Variants in PARPBP observed in about 807,000 individuals in gnomAD.
The protein encoded by PARPBP is PCNA-interacting partner.
A neutral mutation model predicts 50.0 loss-of-function variants in PARPBP; 52 were observed. The ratio of observed to expected loss-of-function variants is 1.04; its 90% CI spans 0.83 to 1.31. PARPBP has a LOEUF of 1.31. PARPBP is among the 50% of genes most tolerant of loss of function. PARPBP has a pLI of 0.00. For missense variants in PARPBP, 697 were observed against 672.0 expected, an observed-to-expected ratio of 1.04 and a Z score of -0.41; for synonymous variants, 244 against 232.1, an observed-to-expected ratio of 1.05 and a Z score of -0.47.
chr12:102,124,009 T>C lies in PARPBP; in HGVS notation c.121T>C (p.Leu41=). The C allele has an allele frequency of 6.5e-7, 1 of 1,535,506 alleles. No homozygotes were observed. Among genetic ancestry groups the C allele is most frequent in the Non-Finnish European group, 8.7e-7 (1 of 1,146,428 alleles). Residue 41 remains leucine, a synonymous_variant, in exon 2 of 11, where the codon TTG becomes CTG. Coordinates refer to ENST00000327680, the MANE Select transcript of PARPBP (RefSeq NM_017915.5). The stretch of plus-strand genomic sequence containing the variant: ...TGGTGCAGACTCCATGCTCTTGGCA[T>C]TGCAGCTTTCTATGGCGGAGAACAA... ...LCGADSMLLA[L]QLSMAENNKQ...
At chr12:102,120,755 C>G (rs1371119221) in intron 1 of PARPBP, among the ~76,000 whole-genome samples, 6 of 152,190 alleles carry the variant, frequency 3.9e-5, no homozygotes, top group Non-Finnish European at 8.8e-5. Flanking sequence ...GTACTTGTTT[C>G]ACTAACGTCT....
intron 6 of PARPBP, among the ~76,000 whole-genome samples, chr12:102,167,284 G>A (rs1888236870): frequency 6.6e-6 from 1 of 151,996 alleles, no homozygotes; most frequent in Non-Finnish European, 1.5e-5. Flanking sequence ...ATATTTGGTT[G>A]CATATGATTT....
At chr12:102,175,943 G>T (rs187291224) in intron 7 of PARPBP, among the ~76,000 whole-genome samples, 1 of 151,564 alleles carries the variant, frequency 6.6e-6, no homozygotes, top group East Asian at 1.9e-4. Context: ...TATAATTCTT[G>T]ATGGATATTA....
At chr12:102,132,980 G>T (rs1030970118) in intron 2 of PARPBP, among the ~76,000 whole-genome samples, 4 of 151,974 alleles carry the variant, frequency 2.6e-5, no homozygotes, top group Admixed American at 1.3e-4. Flanking sequence ...AAATGATACT[G>T]ATTTTTGTAT....
intron 2 of PARPBP, among the ~76,000 whole-genome samples, chr12:102,146,484 T>C (rs1199738197): frequency 6.6e-6 from 1 of 152,122 alleles, no homozygotes; most frequent in Non-Finnish European, 1.5e-5. Context: ...CCCTATTTAA[T>C]AAATGGTGCT....
rs1423916378 is a variant in PARPBP at position 102,197,208 on chromosome 12, T to A, written c.*917T>A. On this transcript the variant is annotated 3_prime_UTR_variant, in exon 11 of 11. Coordinates refer to ENST00000327680, the MANE Select transcript of PARPBP (RefSeq NM_017915.5). Reference sequence around the variant, plus strand: ...AGGTTGATTTGGTTTTTAGCTATCGTATTCGGAGTGGAACTATAATACAAT... The same window carrying A: ...AGGTTGATTTGGTTTTTAGCTATCGAATTCGGAGTGGAACTATAATACAAT... 1.4e-6 allele frequency: 2 copies of A among 1,446,606 alleles called. No homozygotes were observed. Among genetic ancestry groups the A allele is most frequent in the Admixed American group, 3.4e-5 (2 of 58,718 alleles). 89.6% of individuals were successfully genotyped at this position (1,446,606 alleles called of 1,614,324 possible).
rs1024893576 is a variant in PARPBP at position 102,139,726 on chromosome 12, A to G, written c.154-8504A>G. On this transcript the variant is annotated intron_variant, in intron 2 of 10. Coordinates refer to ENST00000327680, the MANE Select transcript of PARPBP (RefSeq NM_017915.5). ...GAATTTTGTGGAAGGCCTTTTCTGCATCTGTTGAGATAATCATGTGGTTTT... is the reference window on the plus strand; with the variant it reads ...GAATTTTGTGGAAGGCCTTTTCTGCGTCTGTTGAGATAATCATGTGGTTTT... Among the ~76,000 whole-genome samples, 11 of 152,322 alleles carry G rather than the reference A, an allele frequency of 7.2e-5. No individual in the cohort carries two copies. In the East Asian group the frequency reaches 1.9e-3, roughly 27 times the overall value.
At chr12:102,156,349 G>A (rs1037488089) in intron 4 of PARPBP, among the ~76,000 whole-genome samples, 6 of 130,558 alleles carry the variant, frequency 4.6e-5, no homozygotes, top group Non-Finnish European at 9.9e-5. Context: ...ACCACACCCA[G>A]CTAATTTTTT....
chr12:102,158,624 CCTTT>C (rs1164784733), intron 4 of PARPBP, among the ~76,000 whole-genome samples: 2 of 151,654 alleles, frequency 1.3e-5, no homozygotes, highest in Non-Finnish European at 2.9e-5. Context: ...ACTTACATTT[CCTTT>C]CTTTTCCCTT....
At chr12:102,150,082 G>C (rs1334882021) in intron 3 of PARPBP, among the ~76,000 whole-genome samples, 1 of 152,096 alleles carries the variant, frequency 6.6e-6, no homozygotes, top group Non-Finnish European at 1.5e-5. Context: ...TTAAGTTATA[G>C]TATGATATAT....
chr12:102,155,671 C>T (rs74749341), intron 4 of PARPBP, among the ~76,000 whole-genome samples: 1 of 150,628 alleles, frequency 6.6e-6, no homozygotes, highest in South Asian at 2.1e-4. Context: ...CTTTGGGTCC[C>T]CTCCCATTTT....
chr12:102,150,669 C>G (rs769708806), intron 3 of PARPBP, among the ~76,000 whole-genome samples: 1 of 152,162 alleles, frequency 6.6e-6, no homozygotes, highest in African/African-American at 2.4e-5. Context: ...AGATTTGATA[C>G]AGGGCTTGCT....
intron 1 of PARPBP, among the ~76,000 whole-genome samples, chr12:102,121,904 T>C (rs1188087661): frequency 1.3e-5 from 2 of 152,198 alleles, no homozygotes. Flanking sequence ...CTAATGTGCT[T>C]TTATACATGC....
chr12:102,164,285 C>T (rs577898504), intron 4 of PARPBP, among the ~76,000 whole-genome samples, 153 bp from the exon 5 acceptor site: 1 of 152,104 alleles, frequency 6.6e-6, no homozygotes, highest in African/African-American at 2.4e-5. Context: ...TTATTGATTG[C>T]CCAACCTGTT....
At chr12:102,163,292 G>A (rs898785855) in intron 4 of PARPBP, among the ~76,000 whole-genome samples, 2 of 152,100 alleles carry the variant, frequency 1.3e-5, no homozygotes, top group Non-Finnish European at 2.9e-5. Context: ...TTAATATACT[G>A]TTCCAATATC....
At chr12:102,177,357 C>G (rs1168253726) in intron 7 of PARPBP, among the ~76,000 whole-genome samples, 2 of 152,170 alleles carry the variant, frequency 1.3e-5, no homozygotes, top group Non-Finnish European at 2.9e-5. Flanking sequence ...ATCATTGCCT[C>G]TATTTTGTCA....
At chr12:102,183,812 C>T (rs113969662) in intron 9 of PARPBP, among the ~76,000 whole-genome samples, 177 of 152,056 alleles carry the variant, frequency 1.2e-3, no homozygotes, top group African/African-American at 3.9e-3. Context: ...TGGTGGCTCA[C>T]TCCTGTAATC....
At chr12:102,129,271 G>A (rs775771141) in intron 2 of PARPBP, among the ~76,000 whole-genome samples, 23 of 152,098 alleles carry the variant, frequency 1.5e-4, no homozygotes, top group South Asian at 4.1e-4. Flanking sequence ...GTGGGCATAC[G>A]CCACTGCATC....
chr12:102,149,728 T>C (rs1326637726), intron 3 of PARPBP, among the ~76,000 whole-genome samples: 1 of 152,224 alleles, frequency 6.6e-6, no homozygotes, highest in Non-Finnish European at 1.5e-5. Flanking sequence ...GCTTGCTGTC[T>C]TTGCCTCATT....
Sources: gnomAD v4.1 joint callset for allele counts (sites outside exome capture counted in the v4.1 genomes callset) on GRCh38, gnomAD v4.1.1 for gene constraint, MANE v1.5 for transcripts, NCBI Gene and HGNC (gene_info 2026-07-23, HGNC 2026-07-21) for gene names.